Variants in PAPLN observed in about 807,000 individuals in gnomAD.
PAPLN encodes papilin, proteoglycan like sulfated glycoprotein, also known as papilin.
In PAPLN, 146 loss-of-function variants were observed where a neutral mutation model predicts 159.0. The observed-to-expected ratio is 0.92, with a 90% confidence interval of 0.80 to 1.05. PAPLN has a LOEUF of 1.05. PAPLN is among the 50% of genes least tolerant of loss of function. PAPLN has a pLI of 0.00. For missense variants in PAPLN, 1,720 were observed against 1,743.9 expected (o/e 0.99, Z 0.24); for synonymous variants, 734 against 702.9 (o/e 1.04, Z -0.70).
At chr14:73,262,313 G>A in intron 18 of PAPLN, 37 bp from the exon 19 acceptor site, 1 of 1,563,118 alleles carries the variant, frequency 6.4e-7, no homozygotes, top group Non-Finnish European at 8.7e-7. Flanking sequence ...TTAGTACTGG[G>A]CACCTCAGTG....
rs1490213855 is a variant in PAPLN, at chr14:73,265,264, T to C, written c.3126-106T>C. The C allele has an allele frequency of 1.3e-6, 2 of 1,494,830 alleles. No homozygotes were observed. The highest frequency in any genetic ancestry group is 2.3e-5 in the East Asian group (1 of 43,490). 92.6% of individuals were successfully genotyped at this position (1,494,830 alleles called of 1,614,324 possible). On this transcript the variant is annotated intron_variant, in intron 22 of 26. Transcript: ENST00000644200. The surrounding 1 kb of genome is among the most constrained non-coding windows in gnomAD (Gnocchi z 4.1). ...GCAGGGGATTTTAGGAAGCTGAATC[T>C]GGCTGGAGAGGGAGAAGGGGCCACC...
chr14:73,247,104 G>A (rs1884485905), intron 5 of PAPLN, among the ~76,000 whole-genome samples: 1 of 152,226 alleles, frequency 6.6e-6, no homozygotes, highest in Admixed American at 6.5e-5. Flanking sequence ...GTCGCACAGA[G>A]ACGGAGATGG....
At chr14:73,263,941 G>A in intron 20 of PAPLN, 159 bp downstream of exon 20, 1 of 1,412,184 alleles carries the variant, frequency 7.1e-7, no homozygotes, top group Non-Finnish European at 9.3e-7. Flanking sequence ...CCCTCTGACA[G>A]GTGTGTGTGA....
chr14:73,269,056 A>G (rs945186543), intron 26 of PAPLN, among the ~76,000 whole-genome samples: 13 of 152,228 alleles, frequency 8.5e-5, no homozygotes, highest in Non-Finnish European at 1.3e-4. Context: ...GAATTTCATT[A>G]TAAAACTTAA....
At chr14:73,262,253 G>T in intron 18 of PAPLN, 97 bp from the exon 19 acceptor site, 1 of 1,225,742 alleles carries the variant, frequency 8.2e-7, no homozygotes, top group Non-Finnish European at 1.2e-6. Flanking sequence ...TTATAAGTGG[G>T]GAAGGGCCTG....
At chr14:73,239,334 CA>C (rs1250784277) in intron 1 of PAPLN, among the ~76,000 whole-genome samples, 1 of 152,246 alleles carries the variant, frequency 6.6e-6, no homozygotes, top group African/African-American at 2.4e-5. Flanking sequence ...TTTGGGTTTT[CA>C]AAGTGTCTTC....
At chr14:73,237,783 GC>G (rs977998585) in intron 1 of PAPLN, among the ~76,000 whole-genome samples, 191 bp downstream of exon 1, 4 of 152,118 alleles carry the variant, frequency 2.6e-5, no homozygotes, top group Non-Finnish European at 5.9e-5. Context: ...GGCACCGCGC[GC>G]CCCCCGGCCT....
At chr14:73,263,878 GGT>G in intron 20 of PAPLN, 96 bp downstream of exon 20, 1 of 1,357,490 alleles carries the variant, frequency 7.4e-7, no homozygotes, top group Non-Finnish European at 1.0e-6. Flanking sequence ...TCCTCTGATA[GGT>G]GTGACAGACC....
intron 16 of PAPLN, 152 bp from the exon 17 acceptor site, chr14:73,260,557 A>T: frequency 9.9e-7 from 1 of 1,005,338 alleles, no homozygotes; most frequent in Non-Finnish European, 1.3e-6. Context: ...CGGCACACAA[A>T]ATGGCCTGCC....
At chr14:73,241,548 C>T (rs1054955982) in intron 2 of PAPLN, among the ~76,000 whole-genome samples, 2 of 152,236 alleles carry the variant, frequency 1.3e-5, no homozygotes, top group Non-Finnish European at 2.9e-5. Context: ...CTTAAGGCCA[C>T]GCTGAGTAGC....
chr14:73,272,302 A>G (rs537465371), intron 26 of PAPLN, 193 bp from the exon 27 acceptor site: 7 of 463,596 alleles, frequency 1.5e-5, no homozygotes, highest in African/African-American at 1.4e-4. Context: ...AAGTGAGGCC[A>G]AGAAACAGGT....
intron 25 of PAPLN, 56 bp from the exon 26 acceptor site, chr14:73,268,501 G>A: frequency 6.5e-7 from 1 of 1,545,006 alleles, no homozygotes; most frequent in Non-Finnish European, 8.8e-7. Context: ...TCTTCCCTCT[G>A]TCTCCCAGAC....
At chr14:73,258,902 G>A (rs1886233696) in intron 14 of PAPLN, 77 bp from the exon 15 acceptor site, 3 of 1,366,750 alleles carry the variant, frequency 2.2e-6, no homozygotes, top group Non-Finnish European at 2.9e-6. Context: ...GCCAGTGCTG[G>A]GCAGGGCTGG....
intron 26 of PAPLN, among the ~76,000 whole-genome samples, chr14:73,270,577 A>C (rs1887629508): frequency 6.6e-6 from 1 of 152,212 alleles, no homozygotes. Flanking sequence ...ATGTCCAGAA[A>C]ATTGACCTTG....
chr14:73,272,920 A>C lies in PAPLN; in HGVS notation c.*256A>C, dbSNP rs1887863663. ...TCAAGAAGAGCAATCTGTTTGGATA[A>C]GAAAAACCTTTACTTTACAGCTTCC... On this transcript the variant is annotated 3_prime_UTR_variant, in exon 27 of 27. Coordinates refer to ENST00000644200, the MANE Select transcript of PAPLN (RefSeq NM_001365906.3). The C allele has an allele frequency of 8.5e-6, 3 of 354,440 alleles. No homozygotes were observed. Among genetic ancestry groups the C allele is most frequent in the Non-Finnish European group, 1.0e-5 (2 of 198,682 alleles). 22.0% of individuals were successfully genotyped at this position (354,440 alleles called of 1,614,324 possible). A position where few individuals can be genotyped will look rare whatever the true frequency, so the allele number is the denominator to read the frequency against.
At chr14:73,270,664 TA>T (rs1279326043) in intron 26 of PAPLN, among the ~76,000 whole-genome samples, 1 of 152,214 alleles carries the variant, frequency 6.6e-6, no homozygotes, top group Non-Finnish European at 1.5e-5. Flanking sequence ...CAAGAGGACC[TA>T]GACATTATGT....
rs1236998745 is a variant in PAPLN, at chr14:73,245,894, A to G, written c.232-179A>G. The G allele has an allele frequency of 1.9e-5, 17 of 883,104 alleles. No individual in the cohort carries two copies. Among genetic ancestry groups the G allele is most frequent in the Non-Finnish European group, 2.7e-5 (16 of 594,066 alleles). 54.7% of individuals were successfully genotyped at this position (883,104 alleles called of 1,614,324 possible). A position where few individuals can be genotyped will look rare whatever the true frequency, so the allele number is the denominator to read the frequency against. On this transcript the variant is annotated intron_variant, in intron 4 of 26. Transcript: ENST00000644200. This position sits in a 1 kb window ranked among gnomAD's most constrained non-coding sequence, Gnocchi z 4.2. The stretch of plus-strand genomic sequence containing the variant: ...GGACTGGCCTTGCCCTCCACAGCCT[A>G]GAGCACCATGGAGGGGCACGCACAG...
chr14:73,252,974 C>G (rs568329855), intron 11 of PAPLN, among the ~76,000 whole-genome samples, 199 bp downstream of exon 11: 15 of 152,316 alleles, frequency 9.8e-5, no homozygotes, highest in African/African-American at 3.6e-4. Flanking sequence ...GCTGGTCTCT[C>G]TGCTCTCCTG....
chr14:73,246,451 T>C (rs1008891825), intron 5 of PAPLN, among the ~76,000 whole-genome samples: 17 of 136,468 alleles, frequency 1.2e-4, no homozygotes, highest in African/African-American at 4.4e-4. Context: ...GCTCGCAATG[T>C]ACAGGAAATC....
Sources: gnomAD v4.1 joint callset for allele counts (sites outside exome capture counted in the v4.1 genomes callset) on GRCh38, gnomAD v4.1.1 for gene constraint, Gnocchi (gnomAD v3.1) non-coding constraint, MANE v1.5 for transcripts, NCBI Gene and HGNC (gene_info 2026-07-23, HGNC 2026-07-21) for gene names.